The following HMCN1 variants were observed in gnomAD, a reference collection of about 807,000 sequenced individuals.
HMCN1 encodes the protein hemicentin-1.
In HMCN1, 321 loss-of-function variants were observed where a neutral mutation model predicts 625.9. The observed-to-expected ratio is 0.51, with a 90% CI of 0.47 to 0.56. The LOEUF is 0.56. Ranked by LOEUF, HMCN1 falls within the 20% of genes least tolerant of loss-of-function variation. The pLI, the probability that HMCN1 is intolerant of heterozygous loss-of-function variation, is 0.00. For synonymous variants in HMCN1, 2,425 were observed against 2,417.6 expected, an observed-to-expected ratio of 1.00 and a Z score of -0.09; for missense variants, 6,588 against 6,887.3, an observed-to-expected ratio of 0.96 and a Z score of 1.54.
rs1021314170 is a variant in HMCN1, at chr1:186,001,331, C to T, written c.4103C>T (p.Thr1368Ile). 1.9e-6 allele frequency: 3 copies of T among 1,611,868 alleles called. No individual in the cohort carries two copies. In the African/African-American group the frequency reaches 4.0e-5, roughly 22 times the overall value. The change falls in exon 27 of 107, where the codon ACA (threonine) becomes ATA (isoleucine). Residue 1368 changes from threonine (T) to isoleucine (I), a missense_variant. By Grantham distance (89) the Thr-to-Ile change is moderately conservative. Around this residue, in one of 3 missense-constraint regions of HMCN1, gnomAD observed 4,628 missense variants for 4,853.1 expected, o/e 0.95. Transcript: ENST00000271588. ...PPVIKDKEQV[T>I]NVSVLLNQLT... ...GTAATTAAAGATAAAGAACAAGTTACAAATGTGTCGGTGTTGTTAAATCAG... is the reference window on the plus strand; with the variant it reads ...GTAATTAAAGATAAAGAACAAGTTATAAATGTGTCGGTGTTGTTAAATCAG...
intron 2 of HMCN1, among the ~76,000 whole-genome samples, chr1:185,863,616 T>C (rs1260469801): frequency 6.6e-6 from 1 of 152,172 alleles, no homozygotes; most frequent in Non-Finnish European, 1.5e-5. Flanking sequence ...ATATAATGTA[T>C]AAAAGTGTAA....
intron 11 of HMCN1, among the ~76,000 whole-genome samples, chr1:185,958,272 C>T (rs1379791894): frequency 6.6e-6 from 1 of 152,020 alleles, no homozygotes; most frequent in Non-Finnish European, 1.5e-5. Flanking sequence ...GCATGCACCA[C>T]CACACCAGGT....
chr1:186,019,700 G>A lies in HMCN1; in HGVS notation c.5625+5G>A. On this transcript the variant is annotated splice_donor_5th_base_variant and intron_variant, in intron 35 of 106. Coordinates refer to ENST00000271588, the MANE Select transcript of HMCN1 (RefSeq NM_031935.3). The stretch of plus-strand genomic sequence containing the variant: ...ACTGCCCAAGGAAACCTTAAAGTAA[G>A]TGTAAATATTACTCAGCCTAAACTG... The A allele has an allele frequency of 6.2e-7, 1 of 1,609,218 alleles. No individual in the cohort carries two copies. Among genetic ancestry groups the A allele is most frequent in the Non-Finnish European group, 8.5e-7 (1 of 1,176,168 alleles).
At chr1:185,954,631 C>A (rs1248588499) in intron 11 of HMCN1, among the ~76,000 whole-genome samples, 1 of 151,950 alleles carries the variant, frequency 6.6e-6, no homozygotes, top group African/African-American at 2.4e-5. Flanking sequence ...ATGTATGACC[C>A]CACTTAAAAA....
chr1:186,091,004 G>T, intron 64 of HMCN1, 87 bp downstream of exon 64: 1 of 1,410,950 alleles, frequency 7.1e-7, no homozygotes. Context: ...TAATAATACC[G>T]AATTCCATCC....
intron 19 of HMCN1, among the ~76,000 whole-genome samples, chr1:185,985,794 G>A (rs1651963060): frequency 6.6e-6 from 1 of 152,072 alleles, no homozygotes; most frequent in Admixed American, 6.5e-5. Context: ...ATCATTCTGT[G>A]TCTCCATTTT....
At chr1:185,939,601 C>T (rs376988155) in intron 11 of HMCN1, among the ~76,000 whole-genome samples, 1 of 152,082 alleles carries the variant, frequency 6.6e-6, no homozygotes, top group East Asian at 1.9e-4. Flanking sequence ...CTTTTCTGTA[C>T]TTGAAAAATT....
intron 1 of HMCN1, among the ~76,000 whole-genome samples, chr1:185,748,034 A>ATTTTTTT (rs36021341): frequency 2.4e-4 from 28 of 118,144 alleles, no homozygotes; most frequent in African/African-American, 8.9e-4. Flanking sequence ...GGTACTTAAA[A>ATTTTTTT]TTTTTTTTTT....
chr1:186,005,695 A>G (rs541343114), intron 29 of HMCN1, among the ~76,000 whole-genome samples: 2 of 152,204 alleles, frequency 1.3e-5, no homozygotes, highest in African/African-American at 4.8e-5. Context: ...GCAGACTCAC[A>G]TTAGGGGCCA....
Position 185,994,691 on chromosome 1 carries a change from G to A in HMCN1, c.3506-124G>A, listed in dbSNP as rs559136811. The stretch of plus-strand genomic sequence containing the variant: ...CTAGCTAGTGAATGATCCGAGCCTA[G>A]GTCCAAATTCTGAAATTATTTCACT... On this transcript the variant is annotated intron_variant, in intron 23 of 106. Transcript: ENST00000271588. 37 of 945,782 alleles carry A rather than the reference G, an allele frequency of 3.9e-5. No individual in the cohort carries two copies. In the East Asian group the frequency reaches 8.8e-4, roughly 23 times the overall value. The allele number at this position is 945,782 out of a possible 1,614,324, so 58.6% of individuals were successfully genotyped here. A position where few individuals can be genotyped will look rare whatever the true frequency, so the allele number is the denominator to read the frequency against.
chr1:185,807,357 A>G (rs1324742574), intron 1 of HMCN1, among the ~76,000 whole-genome samples: 1 of 152,220 alleles, frequency 6.6e-6, no homozygotes, highest in Non-Finnish European at 1.5e-5. Flanking sequence ...TACAGCCTAC[A>G]TAGTTCAATA....
At chr1:186,150,410 A>G (rs1202018825) in intron 93 of HMCN1, among the ~76,000 whole-genome samples, 2 of 152,200 alleles carry the variant, frequency 1.3e-5, no homozygotes, top group African/African-American at 4.8e-5. Context: ...GCATAAAATT[A>G]ATGTTGAGGC....
At chr1:186,101,335 T>A (rs1160553049) in intron 68 of HMCN1, among the ~76,000 whole-genome samples, 1 of 152,086 alleles carries the variant, frequency 6.6e-6, no homozygotes, top group Non-Finnish European at 1.5e-5. Context: ...GTTTCTGGCT[T>A]ATGTGACTAA....
intron 75 of HMCN1, 74 bp downstream of exon 75, chr1:186,115,488 T>TG: frequency 7.3e-7 from 1 of 1,372,448 alleles, no homozygotes; most frequent in South Asian, 1.2e-5. Flanking sequence ...ATTCTATCAG[T>TG]GGGGTCAGCA....
In HMCN1 at chr1:186,123,225, GTTGT is replaced by G; in HGVS notation, c.12499+8_12499+11del. 1 of 1,612,510 alleles carries G rather than the reference GTTGT, an allele frequency of 6.2e-7. No homozygotes were observed. Among genetic ancestry groups the G allele is most frequent in the Non-Finnish European group, 8.5e-7 (1 of 1,179,176 alleles). On this transcript the variant is annotated splice_donor_region_variant and intron_variant, in intron 81 of 106. Transcript: ENST00000271588. ...GCACCAAGCTCACCGTCCATGGTAG[GTTGT>G]TTAACATGAATTATTTTAGTCTGCT...
At chr1:186,151,950 A>C (rs1484886620) in intron 95 of HMCN1, among the ~76,000 whole-genome samples, 1 of 152,204 alleles carries the variant, frequency 6.6e-6, no homozygotes. Context: ...GTCATTTTAT[A>C]CCCTAAAAGT....
At chr1:185,781,013 C>T (rs1657051253) in intron 1 of HMCN1, among the ~76,000 whole-genome samples, 1 of 152,130 alleles carries the variant, frequency 6.6e-6, no homozygotes, top group Non-Finnish European at 1.5e-5. Flanking sequence ...TTAATTATTG[C>T]CTCAATTTCA....
chr1:186,125,671 A>G lies in HMCN1; in HGVS notation c.12567A>G (p.Pro4189=). The change falls in exon 82 of 107, where the codon CCA becomes CCG. Residue 4189 remains proline (P), a synonymous_variant. Coordinates refer to ENST00000271588, the MANE Select transcript of HMCN1 (RefSeq NM_031935.3). ...ATGAGAATTCACAAGCCATTCTTCC[A>G]TGCGTAGCTGATGGAATCCCCACAC... The part of the protein sequence containing the change: ...TVNENSQAIL[P]CVADGIPTPA... The G allele has an allele frequency of 6.2e-7, 1 of 1,613,392 alleles. No individual in the cohort carries two copies. Among genetic ancestry groups the G allele is most frequent in the East Asian group, 2.2e-5 (1 of 44,836 alleles).
At chr1:186,024,050 G>T (rs1654897525) in intron 36 of HMCN1, among the ~76,000 whole-genome samples, 1 of 152,182 alleles carries the variant, frequency 6.6e-6, no homozygotes, top group African/African-American at 2.4e-5. Flanking sequence ...CAAATCATCA[G>T]TTTCCTAAAT....
Sources: allele counts gnomAD v4.1 joint callset (sites outside exome capture counted in the v4.1 genomes callset), GRCh38; gene constraint gnomAD v4.1.1; regional missense constraint gnomAD v4.1.1; transcripts MANE v1.5; gene names NCBI Gene and HGNC (gene_info 2026-07-23, HGNC 2026-07-21).